ATRIP: variants seen among roughly 807,000 people sequenced by gnomAD.
ATRIP encodes ATR-interacting protein.
A neutral mutation model predicts 78.1 loss-of-function variants in ATRIP; 44 were observed. The observed-to-expected ratio is 0.56, with a 90% CI of 0.44 to 0.72. ATRIP has a LOEUF of 0.72. ATRIP is among the 30% of genes least tolerant of loss of function. The pLI is 0.00. For missense variants in ATRIP, 927 were observed against 980.2 expected (o/e 0.95, Z 0.72); for synonymous variants, 388 against 408.9 (o/e 0.95, Z 0.62).
In ATRIP at chr3:48,447,081, G is replaced by T; in HGVS notation, c.236G>T (p.Arg79Leu). Residue 79 changes from arginine (R) to leucine (L), a missense_variant, in exon 1 of 13, where the codon CGG (arginine) becomes CTG (leucine). Arg to Leu is a moderately radical substitution (Grantham distance 102, BLOSUM62 -2). Coordinates refer to ENST00000320211, the MANE Select transcript of ATRIP (RefSeq NM_130384.3). ...CTGAGCCAATGTCCGGCCGCGGCTC[G>T]GGACGTGTCCAGTGAGTGCTCCTCG... ...QALSQCPAAA[R>L]DVSSDHKVHR... 6.4e-7 allele frequency: 1 copy of T among 1,557,718 alleles called. No homozygotes were observed.
Position 48,447,112 on chromosome 3 carries a change from T to C in ATRIP, c.247+20T>C. 6.7e-7 allele frequency: 1 copy of C among 1,482,818 alleles called. No homozygotes were observed. The allele number at this position is 1,482,818 out of a possible 1,614,324, so 91.9% of individuals were successfully genotyped here. On this transcript the variant is annotated intron_variant, in intron 1 of 12. Coordinates refer to ENST00000320211, the MANE Select transcript of ATRIP (RefSeq NM_130384.3). ...TGTCCAGTGAGTGCTCCTCGCGGCCTTTTGCTCGGAGGGAGTTGTCAACCG... is the reference window on the plus strand; with the variant it reads ...TGTCCAGTGAGTGCTCCTCGCGGCCCTTTGCTCGGAGGGAGTTGTCAACCG...
At chr3:48,459,327 C>G (rs766553975) in intron 5 of ATRIP, 32 bp from the exon 6 acceptor site, 27 of 1,583,804 alleles carry the variant, frequency 1.7e-5, no homozygotes, top group Non-Finnish European at 2.1e-5. Context: ...CTTCTGGGCT[C>G]AAGTTTTGAT....
At chr3:48,456,144 A>G (rs963780177) in intron 4 of ATRIP, among the ~76,000 whole-genome samples, 2 of 151,964 alleles carry the variant, frequency 1.3e-5, no homozygotes, top group African/African-American at 2.4e-5. Context: ...TTTGTTCCAC[A>G]TTGAAAAGAT....
chr3:48,464,936 C>T lies in ATRIP; in HGVS notation c.2161C>T (p.Arg721Trp), dbSNP rs752926281. ...DQQRRTVRCLRDTVLLLHGLS... is the reference protein window; with the variant it reads ...DQQRRTVRCLWDTVLLLHGLS... Reference sequence around the variant, plus strand: ...GCAGAGGCGGACAGTGCGCTGTCTGCGGGACACGGTGCTGCTGCTGCACGG... The same window carrying T: ...GCAGAGGCGGACAGTGCGCTGTCTGTGGGACACGGTGCTGCTGCTGCACGG... The change falls in exon 12 of 13, where the codon CGG becomes TGG. Residue 721 changes from arginine (R) to tryptophan (W), a missense_variant. Arg to Trp is a moderately radical substitution (Grantham distance 101). Transcript: ENST00000320211. 14 of 1,614,034 alleles carry T rather than the reference C, an allele frequency of 8.7e-6. No homozygotes were observed. The highest frequency in any genetic ancestry group is 1.3e-5 in the African/African-American group (1 of 74,942).
rs540398386 is a variant in ATRIP at position 48,457,145 on chromosome 3, T to C, written c.672-114T>C. On this transcript the variant is annotated intron_variant, in intron 4 of 12. Coordinates refer to ENST00000320211, the MANE Select transcript of ATRIP (RefSeq NM_130384.3). ...GTAGACATATAATAGATAAAACCTT[T>C]GGTTAAAACACCTAGACATGAAAAG... The C allele has an allele frequency of 3.1e-6, 3 of 957,462 alleles. No homozygotes were observed. In the African/African-American group the frequency reaches 5.1e-5, roughly 16 times the overall value. 59.3% of individuals were successfully genotyped at this position (957,462 alleles called of 1,614,324 possible). A position where few individuals can be genotyped will look rare whatever the true frequency, so the allele number is the denominator to read the frequency against.
rs1269048693 is a variant in ATRIP, at chr3:48,459,468, T to C, written c.925+14T>C. 6.2e-7 allele frequency: 1 copy of C among 1,609,132 alleles called. No individual in the cohort carries two copies. Among genetic ancestry groups the C allele is most frequent in the Non-Finnish European group, 8.5e-7 (1 of 1,175,790 alleles). On this transcript the variant is annotated intron_variant, in intron 6 of 12. Transcript: ENST00000320211. Reference sequence around the variant, plus strand: ...CAAACACTCAAGGTACCAGAATCCCTGCTTCTCCTGCAGGGGCCTGCATGG... The same window carrying C: ...CAAACACTCAAGGTACCAGAATCCCCGCTTCTCCTGCAGGGGCCTGCATGG...
rs758004824 is a variant in ATRIP, at chr3:48,454,371, C to T, written c.624C>T (p.Thr208=). The T allele has an allele frequency of 2.5e-6, 4 of 1,613,826 alleles. No homozygotes were observed. The highest frequency in any genetic ancestry group is 1.1e-5 in the South Asian group (1 of 91,078). ...ATGAATTAAGGACAAAGCTCCAGAC[C>T]AGTGAACGAGCAAATAAACTGGCTG... ...EMNELRTKLQ[T]SERANKLAAP... is the part of the protein sequence containing the mutation. Residue 208 remains threonine (T), a synonymous_variant, in exon 4 of 13, where the codon ACC becomes ACT. Transcript: ENST00000320211.
In ATRIP at chr3:48,460,405, A is replaced by T. The variant is rs183565971; in HGVS notation, c.1351A>T (p.Thr451Ser). The T allele has an allele frequency of 6.8e-6, 11 of 1,613,452 alleles. No homozygotes were observed. The Admixed American group carries it at 1.5e-4, about 22-fold the overall frequency. The change falls in exon 8 of 13, where the codon ACA becomes TCA. Residue 451 changes from threonine to serine, a missense_variant. Transcript: ENST00000320211. ...AAGCGGAGCACCTGGGGACTCACCG[A>T]CACATTCCTCCTGCGTGAGCTCTGG... ...KRSGAPGDSP[T>S]HSSCVSSGVE...
intron 12 of ATRIP, 95 bp from the exon 13 acceptor site, chr3:48,465,392 T>C: frequency 7.8e-7 from 1 of 1,277,368 alleles, no homozygotes; most frequent in Non-Finnish European, 1.1e-6. Flanking sequence ...AAGGGACTGG[T>C]TAGTTCCTGC....
At chr3:48,448,894 A>G (rs900862515) in intron 1 of ATRIP, among the ~76,000 whole-genome samples, 4 of 152,258 alleles carry the variant, frequency 2.6e-5, no homozygotes, top group South Asian at 2.1e-4. Context: ...TATTTGTTGA[A>G]TGTCTTTTAA....
chr3:48,464,210 G>A, intron 10 of ATRIP, 78 bp downstream of exon 10: 1 of 1,271,092 alleles, frequency 7.9e-7, no homozygotes, highest in Non-Finnish European at 1.1e-6. Flanking sequence ...TCTTTCCGCT[G>A]AGGAGAAACG....
Position 48,446,914 on chromosome 3 carries a change from G to T in ATRIP, c.69G>T (p.Pro23=), listed in dbSNP as rs1362929009. 1.4e-6 allele frequency: 2 copies of T among 1,400,950 alleles called. No homozygotes were observed. Among genetic ancestry groups the T allele is most frequent in the Non-Finnish European group, 9.3e-7 (1 of 1,079,606 alleles). The allele number at this position is 1,400,950 out of a possible 1,614,324, so 86.8% of individuals were successfully genotyped here. A position where few individuals can be genotyped will look rare whatever the true frequency, so the allele number is the denominator to read the frequency against. ...SEPPAPRPGP[P]PGTGHPPSKR... ...CCCCGGCGCCTCGCCCCGGCCCGCCGCCGGGCACCGGGCACCCCCCGAGCA... is the reference window on the plus strand; with the variant it reads ...CCCCGGCGCCTCGCCCCGGCCCGCCTCCGGGCACCGGGCACCCCCCGAGCA... The change falls in exon 1 of 13, where the codon CCG becomes CCT. Residue 23 remains proline (P), a synonymous_variant. Transcript: ENST00000320211.
At chr3:48,460,084 C>T in intron 7 of ATRIP, 26 bp from the exon 8 acceptor site, 6 of 1,590,790 alleles carry the variant, frequency 3.8e-6, no homozygotes, top group Non-Finnish European at 5.1e-6. Flanking sequence ...CACACTTAAT[C>T]TATTTTTCTT....
In ATRIP at chr3:48,466,425, C is replaced by CA; in HGVS notation, c.*872dup. 2 of 1,608,684 alleles carry CA rather than the reference C, an allele frequency of 1.2e-6. No individual in the cohort carries two copies. Among genetic ancestry groups the CA allele is most frequent in the South Asian group, 2.2e-5 (2 of 90,878 alleles). On this transcript the variant is annotated 3_prime_UTR_variant, in exon 13 of 13. Coordinates refer to ENST00000320211, the MANE Select transcript of ATRIP (RefSeq NM_130384.3). ...AGTCATGTGAAGAGGGAGACCCTCTCAGACAGTCGAATGTGCTGGTCCCAC... is the reference window on the plus strand; with the variant it reads ...AGTCATGTGAAGAGGGAGACCCTCTCAAGACAGTCGAATGTGCTGGTCCCAC...
chr3:48,456,428 C>T (rs2039956433), intron 4 of ATRIP, among the ~76,000 whole-genome samples: 1 of 123,692 alleles, frequency 8.1e-6, no homozygotes, highest in Admixed American at 9.6e-5. Context: ...ATAACTCTAT[C>T]TCTAGAAAGA....
chr3:48,466,463 C>T lies in ATRIP; in HGVS notation c.*909C>T, dbSNP rs769873293. The T allele has an allele frequency of 3.7e-6, 6 of 1,613,666 alleles. No homozygotes were observed. Among genetic ancestry groups the T allele is most frequent in the South Asian group, 3.3e-5 (3 of 91,090 alleles). ...GTGCTGGTCCCACTAAGGAAACCAC[C>T]TCACCCTCTCCAACTTCCTGCCTGA... On this transcript the variant is annotated 3_prime_UTR_variant, in exon 13 of 13. Transcript: ENST00000320211.
At position 48,446,996 on chromosome 3, in the gene ATRIP, G is replaced by T; in HGVS notation, c.151G>T (p.Ala51Ser). The T allele has an allele frequency of 6.3e-7, 1 of 1,576,320 alleles. No homozygotes were observed. The highest frequency in any genetic ancestry group is 8.6e-7 in the Non-Finnish European group (1 of 1,164,496). Residue 51 changes from alanine (A) to serine (S), a missense_variant, in exon 1 of 13, where the codon GCG becomes TCG. Physicochemically the swap from Ala to Ser is moderately conservative, Grantham distance 99. Transcript: ENST00000320211. ...CCCGGACCCTGACGACCCGTTCGGC[G>T]CGCATGGGGACTTCACTGCCGACGA... ...AAPDPDDPFG[A>S]HGDFTADDLE...
rs2039820912 is a variant in ATRIP at position 48,450,962 on chromosome 3, G to C, written c.382-767G>C. Among the ~76,000 whole-genome samples, 4 of 151,872 alleles carry C rather than the reference G, an allele frequency of 2.6e-5. No individual in the cohort carries two copies. In the South Asian group the frequency reaches 8.3e-4, roughly 32 times the overall value. ...CCAGCACTTTGGTAGGCCGAGGCCA[G>C]TGGATCACCTGAGGTCAGGAGTTCA... On this transcript the variant is annotated intron_variant, in intron 2 of 12. Coordinates refer to ENST00000320211, the MANE Select transcript of ATRIP (RefSeq NM_130384.3).
At position 48,464,938 on chromosome 3, in the gene ATRIP, G is replaced by A. The variant is rs372361740; in HGVS notation, c.2163G>A (p.Arg721=). Residue 721 remains arginine, a synonymous_variant, in exon 12 of 13, where the codon CGG becomes CGA. Coordinates refer to ENST00000320211, the MANE Select transcript of ATRIP (RefSeq NM_130384.3). ...DQQRRTVRCL[R]DTVLLLHGLS... ...AGAGGCGGACAGTGCGCTGTCTGCG[G>A]GACACGGTGCTGCTGCTGCACGGCC... 4.6e-5 allele frequency: 75 copies of A among 1,614,074 alleles called. No individual in the cohort carries two copies. The highest frequency in any genetic ancestry group is 5.9e-5 in the Non-Finnish European group (70 of 1,180,052).
Sources: gnomAD v4.1 joint callset for allele counts (sites outside exome capture counted in the v4.1 genomes callset) on GRCh38, gnomAD v4.1.1 for gene constraint, MANE v1.5 for transcripts, NCBI Gene and HGNC (gene_info 2026-07-23, HGNC 2026-07-21) for gene names.